GRM7: variants seen among roughly 807,000 people sequenced by gnomAD.
GRM7 encodes glutamate metabotropic receptor 7.
GRM7 carries 35 observed loss-of-function variants against 84.5 expected under a neutral mutation model. That is an observed-to-expected ratio of 0.41 (90% CI 0.32 to 0.55). The LOEUF (loss-of-function observed/expected upper bound fraction) is 0.55. Ranked by LOEUF, GRM7 falls within the 20% of genes least tolerant of loss-of-function variation. The pLI, the probability that GRM7 is intolerant of heterozygous loss-of-function variation, is 0.19. For synonymous variants in GRM7, 487 were observed against 455.1 expected, an observed-to-expected ratio of 1.07 and a Z score of -0.89; for missense variants, 1,003 against 1,194.6, an observed-to-expected ratio of 0.84 and a Z score of 2.36.
chr3:7,349,181 A>G (rs1333630770), intron 4 of GRM7, among the ~76,000 whole-genome samples: 2 of 152,116 alleles, frequency 1.3e-5, no homozygotes, highest in Non-Finnish European at 2.9e-5. Flanking sequence ...GCTCGTCACA[A>G]TGAACATTTT....
intron 4 of GRM7, among the ~76,000 whole-genome samples, chr3:7,385,288 GATTT>G (rs1436674901): frequency 1.0e-5 from 1 of 98,090 alleles, no homozygotes; most frequent in Non-Finnish European, 2.0e-5. Context: ...TTTCTATATG[GATTT>G]TTTTTTTTTT....
intron 7 of GRM7, among the ~76,000 whole-genome samples, chr3:7,547,293 A>G (rs375503068): frequency 1.7e-4 from 21 of 124,882 alleles, no homozygotes; most frequent in South Asian, 8.1e-4. Context: ...TGCAAGCTCC[A>G]CCCCCCGGGT....
intron 8 of GRM7, among the ~76,000 whole-genome samples, chr3:7,583,280 C>G (rs1375759846): frequency 6.6e-6 from 1 of 152,134 alleles, no homozygotes; most frequent in African/African-American, 2.4e-5. Flanking sequence ...AGAATATCGA[C>G]CAAGAATTTT....
At chr3:7,582,225 A>T (rs145091016) in intron 8 of GRM7, among the ~76,000 whole-genome samples, 1 of 152,326 alleles carries the variant, frequency 6.6e-6, no homozygotes, top group African/African-American at 2.4e-5. Context: ...GGTTGTGTCT[A>T]TTCAGAGAGT....
At chr3:7,685,760 GA>G (rs1399129591) in intron 9 of GRM7, among the ~76,000 whole-genome samples, 1 of 150,828 alleles carries the variant, frequency 6.6e-6, no homozygotes, top group African/African-American at 2.4e-5. Context: ...CATAAACTAG[GA>G]CTGTCAATAT....
At chr3:7,719,533 C>G (rs1391672895) in intron 9 of GRM7, among the ~76,000 whole-genome samples, 1 of 152,078 alleles carries the variant, frequency 6.6e-6, no homozygotes, top group African/African-American at 2.4e-5. Context: ...TAACCTACAG[C>G]TGGGCGCGGT....
rs1697973712 is a variant in GRM7 at position 7,073,955 on chromosome 3, TAATTG to T, written c.520-72496_520-72492del. On this transcript the variant is annotated intron_variant, in intron 1 of 9. Transcript: ENST00000357716. Reference sequence around the variant, plus strand: ...ATCACAAAGATATAAATGAGGATATTAATTGGGGGGAGGGTGAAACAAAAACATCA... The same window carrying T: ...ATCACAAAGATATAAATGAGGATATTGGGGGAGGGTGAAACAAAAACATCA... Among the ~76,000 whole-genome samples the T allele has an allele frequency of 2.1e-5, 3 of 141,730 alleles. No homozygotes were observed. In the South Asian group the frequency reaches 6.9e-4, roughly 33 times the overall value. The allele number at this position is 141,730 out of a possible 152,430, so 93.0% of individuals were successfully genotyped here.
At chr3:7,634,111 C>T (rs969605236) in intron 8 of GRM7, among the ~76,000 whole-genome samples, 1 of 152,110 alleles carries the variant, frequency 6.6e-6, no homozygotes, top group African/African-American at 2.4e-5. Flanking sequence ...CCCAAATGTC[C>T]ATTTCCTGCT....
chr3:6,970,162 T>C (rs994650752), intron 1 of GRM7, among the ~76,000 whole-genome samples: 12 of 152,172 alleles, frequency 7.9e-5, no homozygotes, highest in Non-Finnish European at 1.2e-4. Flanking sequence ...CAAGAGTGAC[T>C]CAGGGCATCT....
At chr3:7,012,316 A>G (rs1436323399) in intron 1 of GRM7, among the ~76,000 whole-genome samples, 1 of 152,204 alleles carries the variant, frequency 6.6e-6, no homozygotes, top group East Asian at 1.9e-4. Flanking sequence ...TTTAAAGGGC[A>G]TTTGAAAACC....
chr3:7,130,100 T>C (rs764411045), intron 1 of GRM7, among the ~76,000 whole-genome samples: 43 of 152,172 alleles, frequency 2.8e-4, no homozygotes, highest in Non-Finnish European at 4.6e-4. Context: ...AAAGTAGAGA[T>C]CTGACTCGGT....
intron 4 of GRM7, among the ~76,000 whole-genome samples, chr3:7,323,946 G>T (rs368030130): frequency 4.3e-4 from 65 of 152,246 alleles, no homozygotes; most frequent in African/African-American, 1.4e-3. Context: ...GAGCAAGCTA[G>T]TAAGATCATG....
At chr3:7,495,857 A>G (rs2047916778) in intron 7 of GRM7, among the ~76,000 whole-genome samples, 1 of 152,236 alleles carries the variant, frequency 6.6e-6, no homozygotes, top group Admixed American at 6.5e-5. Context: ...TTGGTTCCCA[A>G]AACAGATCAC....
At position 7,481,306 on chromosome 3, in the gene GRM7, G is replaced by C. The variant is rs142163583; in HGVS notation, c.1515+19584G>C. Among the ~76,000 whole-genome samples, 3 of 152,210 alleles carry C rather than the reference G, an allele frequency of 2.0e-5. No homozygotes were observed. The East Asian group carries it at 5.8e-4, about 29-fold the overall frequency. On this transcript the variant is annotated intron_variant, in intron 7 of 9. Transcript: ENST00000357716. ...TTACCTAGGCTAGTCTTGAACTCCT[G>C]TGCTCAAGTGGGCTCTTGAACTCCT...
Position 7,271,649 on chromosome 3 carries a change from C to A in GRM7, c.737-27035C>A, listed in dbSNP as rs115311139. 6.5e-3 allele frequency among the ~76,000 whole-genome samples: 989 copies of A among 151,910 alleles called. 15 individuals are homozygous for A. Among genetic ancestry groups the A allele is most frequent in the African/African-American group, 0.023 (945 of 41,384 alleles). ...ATCAGAACCTGGATTTTAACAAGGT[C>A]CCTAGCTGATTCCTCTGCATTTTAA... On this transcript the variant is annotated intron_variant, in intron 2 of 9. Transcript: ENST00000357716.
At position 7,694,675 on chromosome 3, in the gene GRM7, C is replaced by T. The variant is rs147663366; in HGVS notation, c.2698+14380C>T. On this transcript the variant is annotated intron_variant, in intron 9 of 9. Transcript: ENST00000357716. ...GTTTTCATTTAATTTCATAACACAACGCATGTTTCCTGACTCTAGGCATAA... is the reference window on the plus strand; with the variant it reads ...GTTTTCATTTAATTTCATAACACAATGCATGTTTCCTGACTCTAGGCATAA... Among the ~76,000 whole-genome samples, 219 of 152,240 alleles carry T rather than the reference C, an allele frequency of 1.4e-3. 1 individual carries two copies. The highest frequency in any genetic ancestry group is 4.6e-3 in the South Asian group (22 of 4,816).
chr3:6,969,117 ATTTAAAAACTACCAGCACATCCTTTTTAT>A (rs1693639698), intron 1 of GRM7, among the ~76,000 whole-genome samples: 1 of 152,042 alleles, frequency 6.6e-6, no homozygotes, highest in African/African-American at 2.4e-5. Context: ...TGAGCCAGTA[ATTTAAAAACTACCAGCACATCCTTTTTAT>A]TTTGCTTGCT....
chr3:7,246,972 ATT>A (rs1697786650), intron 2 of GRM7, among the ~76,000 whole-genome samples: 1 of 152,182 alleles, frequency 6.6e-6, no homozygotes, highest in Non-Finnish European at 1.5e-5. Context: ...TGAGAAAAAG[ATT>A]AATTCACCAC....
chr3:7,487,029 A>G (rs367761148), intron 7 of GRM7, among the ~76,000 whole-genome samples: 1 of 152,322 alleles, frequency 6.6e-6, no homozygotes, highest in East Asian at 1.9e-4. Context: ...GAAGTCTTAG[A>G]TAAAAATAAG....
Sources: allele counts gnomAD v4.1 joint callset (sites outside exome capture counted in the v4.1 genomes callset), GRCh38; gene constraint gnomAD v4.1.1; transcripts MANE v1.5; gene names NCBI Gene and HGNC (gene_info 2026-07-23, HGNC 2026-07-21).